Variants in METTL5 observed in about 807,000 individuals in gnomAD.
METTL5 encodes the protein methyltransferase 5, N6-adenosine, also known as rRNA N(6)-adenosine-methyltransferase METTL5.
In METTL5, 28 loss-of-function variants were observed where a neutral mutation model predicts 26.5. The ratio of observed to expected loss-of-function variants is 1.06; its 90% CI spans 0.78 to 1.45. The LOEUF (loss-of-function observed/expected upper bound fraction) is 1.45, where lower values mean the gene tolerates loss of function less well. METTL5 is among the 40% of genes most tolerant of loss of function. The pLI is 0.00. For synonymous variants in METTL5, 86 were observed against 82.6 expected (o/e 1.04, Z -0.22); for missense variants, 231 against 249.9 (o/e 0.92, Z 0.51).
intron 1 of METTL5, among the ~76,000 whole-genome samples, chr2:169,822,984 T>C (rs2081604975): frequency 2.6e-5 from 4 of 151,288 alleles, no homozygotes; most frequent in Admixed American, 1.3e-4. Flanking sequence ...GATCCAGAAG[T>C]TTTTTGTTGT....
rs896858710 is a variant in METTL5 at position 169,824,624 on chromosome 2, G to A, written c.-27C>T. 1.3e-6 allele frequency: 2 copies of A among 1,528,862 alleles called. No homozygotes were observed. Among genetic ancestry groups the A allele is most frequent in the Admixed American group, 1.7e-5 (1 of 59,926 alleles). The allele number at this position is 1,528,862 out of a possible 1,614,324, so 94.7% of individuals were successfully genotyped here. A position where few individuals can be genotyped will look rare whatever the true frequency, so the allele number is the denominator to read the frequency against. On this transcript the variant is annotated 5_prime_UTR_variant, in exon 1 of 7. Transcript: ENST00000260953. ...TTGTTTTAAAGTATGGACTCGTAGG[G>A]TTTGAAGGCACAGGATCTGCGGAGA...
chr2:169,821,376 C>A, intron 2 of METTL5, 103 bp from the exon 3 acceptor site: 3 of 834,280 alleles, frequency 3.6e-6, no homozygotes, highest in Non-Finnish European at 3.7e-6. Context: ...TCTTTTTAAC[C>A]CAATTAGCAA....
intron 1 of METTL5, among the ~76,000 whole-genome samples, chr2:169,823,935 A>C (rs926629398): frequency 1.3e-5 from 2 of 152,342 alleles, no homozygotes; most frequent in East Asian, 3.9e-4. Flanking sequence ...ATCTGGCATG[A>C]AGCAACAATG....
chr2:169,816,370 T>G (rs1410037599), intron 4 of METTL5, among the ~76,000 whole-genome samples: 1 of 152,180 alleles, frequency 6.6e-6, no homozygotes, highest in Non-Finnish European at 1.5e-5. Flanking sequence ...ATGGCCATAC[T>G]ACCCAAGGTA....
intron 1 of METTL5, chr2:169,824,268 T>A (rs1443584223): frequency 2.0e-6 from 1 of 493,016 alleles, no homozygotes; most frequent in Non-Finnish European, 3.7e-6. Flanking sequence ...CTGGCAGTGT[T>A]AAGGGATATG....
chr2:169,824,653 C>A lies in METTL5; in HGVS notation c.-56G>T. ...GAAGGCACAGGATCTGCGGAGAAAT[C>A]TATTGAACTGGGATCTTGTTTCCTC... On this transcript the variant is annotated 5_prime_UTR_variant, in exon 1 of 7. Transcript: ENST00000260953. 3 of 1,337,886 alleles carry A rather than the reference C, an allele frequency of 2.2e-6. No homozygotes were observed. Among genetic ancestry groups the A allele is most frequent in the South Asian group, 2.3e-5 (2 of 85,532 alleles). 82.9% of individuals were successfully genotyped at this position (1,337,886 alleles called of 1,614,324 possible).
chr2:169,815,388 T>C, intron 5 of METTL5, 89 bp downstream of exon 5: 2 of 863,812 alleles, frequency 2.3e-6, no homozygotes, highest in Non-Finnish European at 1.9e-6. Flanking sequence ...CTGTAAAGCA[T>C]AGTTTATCTT....
At chr2:169,816,092 T>C (rs2081502470) in intron 4 of METTL5, among the ~76,000 whole-genome samples, 1 of 152,158 alleles carries the variant, frequency 6.6e-6, no homozygotes, top group African/African-American at 2.4e-5. Flanking sequence ...CATATCCCTG[T>C]TGTTAAAGGA....
intron 5 of METTL5, among the ~76,000 whole-genome samples, chr2:169,813,830 C>T (rs1369436822): frequency 3.9e-5 from 6 of 152,046 alleles, no homozygotes; most frequent in African/African-American, 1.4e-4. Flanking sequence ...CGTGCTGCTG[C>T]ACTCCAGCCT....
chr2:169,819,667 C>A, intron 3 of METTL5, 24 bp from the exon 4 acceptor site: 1 of 1,500,442 alleles, frequency 6.7e-7, no homozygotes, highest in South Asian at 1.2e-5. Context: ...AAAAAAAGCT[C>A]CTATTTACCT....
rs966733464 is a variant in METTL5, at chr2:169,824,769, G to C, written c.-172C>G. ...CGCCCGGACGCAGGGCACGGGGCGA[G>C]CCTCTGACCCACCTCCCGGCTAACC... On this transcript the variant is annotated 5_prime_UTR_variant, in exon 1 of 7. Coordinates refer to ENST00000260953, the MANE Select transcript of METTL5 (RefSeq NM_014168.4). 2 of 562,796 alleles carry C rather than the reference G, an allele frequency of 3.6e-6. No homozygotes were observed. Among genetic ancestry groups the C allele is most frequent in the African/African-American group, 1.9e-5 (1 of 52,952 alleles). The allele number at this position is 562,796 out of a possible 1,614,324, so 34.9% of individuals were successfully genotyped here.
Position 169,821,162 on chromosome 2 carries a change from T to G in METTL5, c.336A>C (p.Leu112Phe). ...IDMVQCDVCL[L>F]SNRMSKSFDT... ...CGAATGACTTGGACATTCTGTTAGA[T>G]AATAAGCACACATCACATTGAACCA... Residue 112 changes from leucine to phenylalanine, a missense_variant, in exon 3 of 7, where the codon TTA becomes TTC. Physicochemically the swap from Leu to Phe is conservative, Grantham distance 22 (BLOSUM62 0). Coordinates refer to ENST00000260953, the MANE Select transcript of METTL5 (RefSeq NM_014168.4). 1.2e-6 allele frequency: 2 copies of G among 1,612,654 alleles called. No homozygotes were observed. Among genetic ancestry groups the G allele is most frequent in the Non-Finnish European group, 1.7e-6 (2 of 1,179,360 alleles).
chr2:169,821,625 A>G (rs974658390), intron 2 of METTL5, among the ~76,000 whole-genome samples: 13 of 152,194 alleles, frequency 8.5e-5, no homozygotes, highest in Non-Finnish European at 1.6e-4. Flanking sequence ...GGCTCAAGTA[A>G]TCTGTCCACC....
rs770214849 is a variant in METTL5 at position 169,812,537 on chromosome 2, T to G, written c.542-31A>C. On this transcript the variant is annotated intron_variant, in intron 5 of 6. Transcript: ENST00000260953. ...AAACAAAAGCCACCTAAGGATAAAA[T>G]TGTATTTCCAAGCGTTTACCACCCT... 5.6e-6 allele frequency: 9 copies of G among 1,609,104 alleles called. No homozygotes were observed. In the South Asian group the frequency reaches 6.7e-5, roughly 12 times the overall value.
intron 5 of METTL5, among the ~76,000 whole-genome samples, chr2:169,813,864 T>G (rs1404979581): frequency 6.6e-6 from 1 of 151,804 alleles, no homozygotes; most frequent in Non-Finnish European, 1.5e-5. Flanking sequence ...AGACTCCATC[T>G]CAAACAACAA....
At chr2:169,816,918 C>T (rs1177467914) in intron 4 of METTL5, among the ~76,000 whole-genome samples, 1 of 152,124 alleles carries the variant, frequency 6.6e-6, no homozygotes, top group Non-Finnish European at 1.5e-5. Flanking sequence ...GCAATGGCAA[C>T]AAAGCCAAAA....
chr2:169,812,353 G>T, intron 6 of METTL5, 104 bp downstream of exon 6: 1 of 1,601,420 alleles, frequency 6.2e-7, no homozygotes, highest in Non-Finnish European at 8.5e-7. Context: ...CGATTCTCTT[G>T]CCTCAGCCTC....
intron 1 of METTL5, 76 bp downstream of exon 1, chr2:169,824,413 A>G (rs1414445078): frequency 6.0e-6 from 7 of 1,160,140 alleles, no homozygotes; most frequent in African/African-American, 1.5e-5. Flanking sequence ...CTGTATCCAA[A>G]TAACTGTTCT....
intron 3 of METTL5, among the ~76,000 whole-genome samples, chr2:169,820,797 C>G (rs1457713028): frequency 6.6e-6 from 1 of 152,094 alleles, no homozygotes. Context: ...ATCGCAGCCC[C>G]GAATACCTGA....
Sources: gnomAD v4.1 joint callset for allele counts (sites outside exome capture counted in the v4.1 genomes callset) on GRCh38, gnomAD v4.1.1 for gene constraint, MANE v1.5 for transcripts, NCBI Gene and HGNC (gene_info 2026-07-23, HGNC 2026-07-21) for gene names.